The following PRRX2 variants were observed in gnomAD, a reference collection of about 807,000 sequenced individuals.
PRRX2 encodes paired related homeobox 2, also known as paired mesoderm homeobox protein 2.
Under a neutral mutation model 18.0 loss-of-function variants are expected in PRRX2, and 11 were observed. That is an observed-to-expected ratio of 0.61 (90% CI 0.39 to 1.01). PRRX2 has a LOEUF of 1.01. PRRX2 is among the 50% of genes least tolerant of loss of function. PRRX2 has a pLI of 0.01. For missense variants in PRRX2, 387 were observed against 351.0 expected (o/e 1.10, Z -0.82); for synonymous variants, 177 against 154.8 (o/e 1.14, Z -1.06).
chr9:129,673,428 G>GAC (rs1832124245), intron 1 of PRRX2, among the ~76,000 whole-genome samples: 2 of 152,170 alleles, frequency 1.3e-5, no homozygotes, highest in African/African-American at 2.4e-5. Flanking sequence ...CTGCACTCCA[G>GAC]CCTGGGCAAC....
At chr9:129,704,341 G>T (rs78446497) in intron 1 of PRRX2, among the ~76,000 whole-genome samples, 1,938 of 152,250 alleles carry the variant, frequency 0.013, 34 homozygotes, top group African/African-American at 0.045. Context: ...GGGAGGGAGA[G>T]ATACTGTTTT....
intron 1 of PRRX2, among the ~76,000 whole-genome samples, chr9:129,667,742 G>A (rs1313145879): frequency 1.3e-5 from 2 of 152,204 alleles, no homozygotes; most frequent in African/African-American, 4.8e-5. Flanking sequence ...ACACGGTGTT[G>A]GAGGTCTCTG....
intron 1 of PRRX2, among the ~76,000 whole-genome samples, chr9:129,668,293 C>G (rs1832053257): frequency 1.3e-5 from 2 of 152,190 alleles, no homozygotes; most frequent in South Asian, 2.1e-4. Context: ...CATCATCGAC[C>G]CTTTGAAAGT....
chr9:129,667,301 C>A (rs1832038175), intron 1 of PRRX2, among the ~76,000 whole-genome samples: 1 of 152,158 alleles, frequency 6.6e-6, no homozygotes, highest in Non-Finnish European at 1.5e-5. Flanking sequence ...TGGGGTTTAG[C>A]TCCTCAGTAG....
At chr9:129,691,412 T>C (rs971885586) in intron 1 of PRRX2, among the ~76,000 whole-genome samples, 1 of 152,140 alleles carries the variant, frequency 6.6e-6, no homozygotes, top group Non-Finnish European at 1.5e-5. Context: ...TCTCATCTCT[T>C]TCTCATAATT....
At chr9:129,720,897 TC>T in intron 3 of PRRX2, 123 bp downstream of exon 3, 1 of 1,139,084 alleles carries the variant, frequency 8.8e-7, no homozygotes, top group Non-Finnish European at 1.2e-6. Context: ...GCCCCTGGGA[TC>T]TGGGGTACAC....
chr9:129,717,436 C>T lies in PRRX2; in HGVS notation c.260-1795C>T, dbSNP rs1027559806. The stretch of plus-strand genomic sequence containing the variant: ...GTGGGGCTGGGCATGGTGGCTCACA[C>T]CTGTAATCCCAGCACTTTGGGAGGC... On this transcript the variant is annotated intron_variant, in intron 1 of 3. Coordinates refer to ENST00000372469, the MANE Select transcript of PRRX2 (RefSeq NM_016307.4). Among the ~76,000 whole-genome samples, 4 of 89,354 alleles carry T rather than the reference C, an allele frequency of 4.5e-5. No homozygotes were observed. In the East Asian group the frequency reaches 1.5e-3, roughly 33 times the overall value. The allele number at this position is 89,354 out of a possible 152,430, so 58.6% of individuals were successfully genotyped here. A position where few individuals can be genotyped will look rare whatever the true frequency, so the allele number is the denominator to read the frequency against.
chr9:129,686,739 G>A (rs1375167962), intron 1 of PRRX2, among the ~76,000 whole-genome samples: 1 of 152,162 alleles, frequency 6.6e-6, no homozygotes, highest in African/African-American at 2.4e-5. Flanking sequence ...GACCTGCTCA[G>A]AAGGGGGATC....
At chr9:129,686,862 G>A (rs1345562110) in intron 1 of PRRX2, among the ~76,000 whole-genome samples, 1 of 152,160 alleles carries the variant, frequency 6.6e-6, no homozygotes, top group Non-Finnish European at 1.5e-5. Context: ...TTTCGGGGGA[G>A]GGCCTTGATG....
chr9:129,679,732 G>A (rs905076114), intron 1 of PRRX2, among the ~76,000 whole-genome samples: 8 of 152,194 alleles, frequency 5.3e-5, no homozygotes, highest in Non-Finnish European at 1.5e-5. Context: ...AACCAGAGGT[G>A]ATCCCTGGCC....
Position 129,665,870 on chromosome 9 carries a change from G to GGAC in PRRX2, c.4_6dup (p.Asp2dup). 1 of 1,064,876 alleles carries GGAC rather than the reference G, an allele frequency of 9.4e-7. No homozygotes were observed. The highest frequency in any genetic ancestry group is 1.1e-6 in the Non-Finnish European group (1 of 886,884). 66.0% of individuals were successfully genotyped at this position (1,064,876 alleles called of 1,614,324 possible). Reference sequence around the variant, plus strand: ...CCCCCCCGGGGCCGCTCGCGGGCATGGACAGCGCGGCCGCCGCCTTCGCCC... The same window carrying GGAC: ...CCCCCCCGGGGCCGCTCGCGGGCATGGACGACAGCGCGGCCGCCGCCTTCGCCC... On this transcript the variant is annotated inframe_insertion, in exon 1 of 4. Coordinates refer to ENST00000372469, the MANE Select transcript of PRRX2 (RefSeq NM_016307.4). This position sits in a 1 kb window ranked among gnomAD's most constrained non-coding sequence, Gnocchi z 5.3.
intron 1 of PRRX2, among the ~76,000 whole-genome samples, chr9:129,701,798 T>C (rs1832500780): frequency 6.6e-6 from 1 of 152,222 alleles, no homozygotes; most frequent in South Asian, 2.1e-4. Context: ...AGGAGATTTT[T>C]TTCCTTTCAA....
At chr9:129,679,901 G>A (rs1315263370) in intron 1 of PRRX2, among the ~76,000 whole-genome samples, 5 of 152,138 alleles carry the variant, frequency 3.3e-5, no homozygotes, top group Admixed American at 3.3e-4. Context: ...GGAGTGGCCC[G>A]GCTCTGCTGT....
intron 1 of PRRX2, among the ~76,000 whole-genome samples, chr9:129,707,264 A>C (rs1337290855): frequency 6.6e-6 from 1 of 151,612 alleles, no homozygotes; most frequent in Non-Finnish European, 1.5e-5. Context: ...TGTCTCAAAA[A>C]ATAAATAAAT....
chr9:129,665,917 C>A lies in PRRX2; in HGVS notation c.50C>A (p.Pro17Gln). 1.8e-6 allele frequency: 2 copies of A among 1,113,292 alleles called. No individual in the cohort carries two copies. Among genetic ancestry groups the A allele is most frequent in the Non-Finnish European group, 2.2e-6 (2 of 913,510 alleles). 69.0% of individuals were successfully genotyped at this position (1,113,292 alleles called of 1,614,324 possible). A position where few individuals can be genotyped will look rare whatever the true frequency, so the allele number is the denominator to read the frequency against. The change falls in exon 1 of 4, where the codon CCG (proline) becomes CAG (glutamine). Residue 17 changes from proline (P) to glutamine (Q), a missense_variant. Physicochemically the swap from Pro to Gln is moderately conservative, Grantham distance 76. Transcript: ENST00000372469. The surrounding 1 kb of genome is among the most constrained non-coding windows in gnomAD (Gnocchi z 5.3). ...AFALDKPALG[P>Q]GPPPPPPALG... The stretch of plus-strand genomic sequence containing the variant: ...GCCCTGGACAAGCCGGCGCTGGGCC[C>A]GGGGCCGCCGCCGCCTCCACCCGCG...
At chr9:129,689,419 C>A (rs1198901428) in intron 1 of PRRX2, among the ~76,000 whole-genome samples, 1 of 151,230 alleles carries the variant, frequency 6.6e-6, no homozygotes, top group East Asian at 2.0e-4. Flanking sequence ...TTAGTGGCAT[C>A]CATCATCATT....
In PRRX2 at chr9:129,709,775, C is replaced by T. The variant is rs989198320; in HGVS notation, c.260-9456C>T. Among the ~76,000 whole-genome samples the T allele has an allele frequency of 6.6e-6, 1 of 152,126 alleles. No individual in the cohort carries two copies. The highest frequency in any genetic ancestry group is 2.4e-5 in the African/African-American group (1 of 41,418). On this transcript the variant is annotated intron_variant, in intron 1 of 3. Transcript: ENST00000372469. The surrounding 1 kb of genome is among the most constrained non-coding windows in gnomAD (Gnocchi z 4.2). The stretch of plus-strand genomic sequence containing the variant: ...GTGGCTGGTGGTGGCCGGCCTCCCC[C>T]AGCCTCTTCCTCACTCGGAGGACGT...
At chr9:129,713,701 G>A (rs576149075) in intron 1 of PRRX2, among the ~76,000 whole-genome samples, 30 of 151,610 alleles carry the variant, frequency 2.0e-4, no homozygotes, top group African/African-American at 5.8e-4. Flanking sequence ...CGTGATCTCA[G>A]CTCACTGCAA....
At chr9:129,678,024 C>T (rs1423919589) in intron 1 of PRRX2, among the ~76,000 whole-genome samples, 5 of 139,332 alleles carry the variant, frequency 3.6e-5, no homozygotes, top group South Asian at 2.2e-4. Flanking sequence ...AGTGCAGTGG[C>T]GCAATCTCGG....
Sources: gnomAD v4.1 joint callset for allele counts (sites outside exome capture counted in the v4.1 genomes callset) on GRCh38, gnomAD v4.1.1 for gene constraint, Gnocchi (gnomAD v3.1) non-coding constraint, MANE v1.5 for transcripts, NCBI Gene and HGNC (gene_info 2026-07-23, HGNC 2026-07-21) for gene names.